Variants in RSRC1 observed in about 807,000 individuals in gnomAD.
RSRC1 encodes serine/Arginine-related protein 53.
Under a neutral mutation model 49.1 loss-of-function variants are expected in RSRC1, and 39 were observed. The ratio of observed to expected loss-of-function variants is 0.79; its 90% CI spans 0.61 to 1.04. RSRC1 has a LOEUF of 1.04. Ranked by LOEUF, RSRC1 falls within the 50% of genes least tolerant of loss-of-function variation. The pLI is 0.00. For synonymous variants in RSRC1, 143 were observed against 130.8 expected (o/e 1.09, Z -0.63); for missense variants, 388 against 402.4 (o/e 0.96, Z 0.31).
At chr3:158,195,511 T>C (rs907447255) in intron 3 of RSRC1, among the ~76,000 whole-genome samples, 5 of 152,088 alleles carry the variant, frequency 3.3e-5, no homozygotes, top group African/African-American at 2.4e-5. Context: ...AATTAGATCC[T>C]GTTTGTCAGT....
chr3:158,544,551 T>G lies in RSRC1; in HGVS notation c.*276T>G. On this transcript the variant is annotated 3_prime_UTR_variant, in exon 10 of 10. Transcript: ENST00000611884. The stretch of plus-strand genomic sequence containing the variant: ...GTCTGTTAAAATGAATGGTAGACAC[T>G]AGTGTTTCTTAGTGCAATTCAAAAA... The G allele has an allele frequency of 4.6e-6, 1 of 215,286 alleles. No homozygotes were observed. Among genetic ancestry groups the G allele is most frequent in the Non-Finnish European group, 9.2e-6 (1 of 109,016 alleles). The allele number at this position is 215,286 out of a possible 1,614,324, so 13.3% of individuals were successfully genotyped here. A position where few individuals can be genotyped will look rare whatever the true frequency, so the allele number is the denominator to read the frequency against.
At chr3:158,479,453 A>G in intron 7 of RSRC1, among the ~76,000 whole-genome samples, 1 of 151,722 alleles carries the variant, frequency 6.6e-6, no homozygotes, top group Middle Eastern at 3.2e-3. Context: ...ATTTTTTCCA[A>G]ATGAGTTTGG....
chr3:158,435,397 A>G (rs1320104780), intron 6 of RSRC1, among the ~76,000 whole-genome samples: 2 of 151,796 alleles, frequency 1.3e-5, no homozygotes, highest in Admixed American at 6.6e-5. Flanking sequence ...AAAAAAATAG[A>G]AAAAATAATT....
chr3:158,201,376 A>G (rs528444665), intron 3 of RSRC1, among the ~76,000 whole-genome samples: 2 of 152,114 alleles, frequency 1.3e-5, no homozygotes, highest in Non-Finnish European at 2.9e-5. Context: ...TTGAACTTCT[A>G]ATATAGAATC....
At chr3:158,329,475 C>A (rs1234034403) in intron 5 of RSRC1, among the ~76,000 whole-genome samples, 1 of 152,202 alleles carries the variant, frequency 6.6e-6, no homozygotes, top group Admixed American at 6.5e-5. Context: ...CTCAGCTGCA[C>A]GTCTGTTGGC....
intron 3 of RSRC1, among the ~76,000 whole-genome samples, chr3:158,196,027 C>T (rs1350265687): frequency 2.6e-5 from 4 of 152,012 alleles, no homozygotes; most frequent in African/African-American, 9.7e-5. Flanking sequence ...TTTTTCAATT[C>T]TGTGAAGAAA....
intron 5 of RSRC1, among the ~76,000 whole-genome samples, chr3:158,326,223 C>G (rs1729128681): frequency 6.6e-6 from 1 of 152,132 alleles, no homozygotes; most frequent in South Asian, 2.1e-4. Flanking sequence ...CCCTTTATTC[C>G]TTTCTCCTGC....
chr3:158,174,859 A>G (rs568753634), intron 3 of RSRC1, among the ~76,000 whole-genome samples: 4 of 152,008 alleles, frequency 2.6e-5, no homozygotes, highest in Non-Finnish European at 5.9e-5. Context: ...TCTTTTGTGT[A>G]TATACTTTGG....
chr3:158,391,768 C>T (rs1246226436), intron 6 of RSRC1, among the ~76,000 whole-genome samples: 2 of 152,026 alleles, frequency 1.3e-5, no homozygotes, highest in African/African-American at 2.4e-5. Context: ...GGTACGTTGA[C>T]TCAGTAAAAA....
intron 9 of RSRC1, 163 bp downstream of exon 9, chr3:158,543,650 A>C: frequency 1.6e-6 from 1 of 626,602 alleles, no homozygotes; most frequent in Admixed American, 3.5e-5. Flanking sequence ...TAGAACTGTT[A>C]TCTATATTTG....
chr3:158,418,144 A>G (rs986129917), intron 6 of RSRC1, among the ~76,000 whole-genome samples: 3 of 152,012 alleles, frequency 2.0e-5, no homozygotes, highest in African/African-American at 4.8e-5. Flanking sequence ...CATTATCATC[A>G]CTATGTGATG....
At chr3:158,216,353 G>C (rs998080550) in intron 4 of RSRC1, among the ~76,000 whole-genome samples, 8 of 150,812 alleles carry the variant, frequency 5.3e-5, no homozygotes, top group Admixed American at 4.6e-4. Flanking sequence ...TGTATCTGTT[G>C]AGTTCTTAAT....
intron 6 of RSRC1, among the ~76,000 whole-genome samples, chr3:158,367,854 T>C (rs1731860501): frequency 6.6e-6 from 1 of 152,166 alleles, no homozygotes; most frequent in Admixed American, 6.5e-5. Context: ...TAATGTTAAT[T>C]TAACTTCCAA....
chr3:158,255,657 G>A (rs924891777), intron 4 of RSRC1, among the ~76,000 whole-genome samples: 1 of 152,150 alleles, frequency 6.6e-6, no homozygotes, highest in African/African-American at 2.4e-5. Context: ...ACCTTGGGCA[G>A]TATGGCCATT....
intron 6 of RSRC1, among the ~76,000 whole-genome samples, chr3:158,460,176 A>T (rs1737539154): frequency 1.3e-5 from 2 of 152,024 alleles, no homozygotes; most frequent in Non-Finnish European, 2.9e-5. Flanking sequence ...TTAGAGACTT[A>T]TTTTCACTTA....
intron 6 of RSRC1, among the ~76,000 whole-genome samples, chr3:158,437,860 A>C (rs1736136487): frequency 6.6e-6 from 1 of 152,168 alleles, no homozygotes; most frequent in African/African-American, 2.4e-5. Context: ...TTCAATTAGA[A>C]AAAGAGGAAG....
At chr3:158,274,297 TTTAA>T (rs1311606004) in intron 4 of RSRC1, among the ~76,000 whole-genome samples, 2 of 152,096 alleles carry the variant, frequency 1.3e-5, no homozygotes, top group Admixed American at 6.6e-5. Context: ...TTAAATTATC[TTTAA>T]TTAATGAAGA....
chr3:158,143,170 G>A (rs1041107052), intron 3 of RSRC1, among the ~76,000 whole-genome samples: 1 of 152,058 alleles, frequency 6.6e-6, no homozygotes, highest in African/African-American at 2.4e-5. Context: ...TTATTCCCAG[G>A]ATGTTAGTTT....
intron 4 of RSRC1, among the ~76,000 whole-genome samples, chr3:158,230,037 A>G (rs770049543): frequency 6.6e-6 from 1 of 152,070 alleles, no homozygotes; most frequent in Non-Finnish European, 1.5e-5. Context: ...GCGATCTAGG[A>G]TCATATACTG....
Sources: gnomAD v4.1 joint callset for allele counts (sites outside exome capture counted in the v4.1 genomes callset) on GRCh38, gnomAD v4.1.1 for gene constraint, MANE v1.5 for transcripts, NCBI Gene and HGNC (gene_info 2026-07-23, HGNC 2026-07-21) for gene names.